Variants in VPS13B observed in about 807,000 individuals in gnomAD.
The protein encoded by VPS13B is intermembrane lipid transfer protein VPS13B.
A neutral mutation model predicts 426.4 loss-of-function variants in VPS13B; 285 were observed. The ratio of observed to expected loss-of-function variants is 0.67; its 90% CI spans 0.61 to 0.74. The LOEUF (loss-of-function observed/expected upper bound fraction) is 0.74, where lower values mean the gene tolerates loss of function less well. Among genes scored for constraint, VPS13B ranks in the 30% least tolerant of loss-of-function variants. The pLI is 0.00. For synonymous variants in VPS13B, 1,676 were observed against 1,676.4 expected, an observed-to-expected ratio of 1.00 and a Z score of 0.01; for missense variants, 4,537 against 4,782.6, an observed-to-expected ratio of 0.95 and a Z score of 1.51.
intron 29 of VPS13B, among the ~76,000 whole-genome samples, chr8:99,512,487 CG>C (rs1821842407): frequency 6.6e-6 from 1 of 152,090 alleles, no homozygotes; most frequent in African/African-American, 2.4e-5. Flanking sequence ...CAGAAATCTA[CG>C]TTTTTATACA....
intron 25 of VPS13B, among the ~76,000 whole-genome samples, chr8:99,496,715 A>G (rs1344819897): frequency 2.0e-5 from 3 of 152,170 alleles, no homozygotes; most frequent in Admixed American, 6.5e-5. Flanking sequence ...AAGCAAACAC[A>G]TACATACGTA....
Position 99,775,451 on chromosome 8 carries a change from C to T in VPS13B, c.7248-1324C>T, listed in dbSNP as rs1811693419. ...GTGATCCACAATTAACAGGACACAC[C>T]TTGTTCTCCTCCAACAATCCCAAAT... On this transcript the variant is annotated intron_variant, in intron 40 of 61. Coordinates refer to ENST00000357162, the MANE Select transcript of VPS13B (RefSeq NM_152564.5). Among the ~76,000 whole-genome samples, 4 of 152,226 alleles carry T rather than the reference C, an allele frequency of 2.6e-5. No individual in the cohort carries two copies. The South Asian group carries it at 8.3e-4, about 32-fold the overall frequency.
At chr8:99,572,573 A>G (rs1825536510) in intron 31 of VPS13B, among the ~76,000 whole-genome samples, 2 of 151,244 alleles carry the variant, frequency 1.3e-5, no homozygotes, top group African/African-American at 4.9e-5. Context: ...TTGTTCTTGC[A>G]ATAGTTTGCT....
intron 19 of VPS13B, among the ~76,000 whole-genome samples, chr8:99,374,576 C>G (rs1813374601): frequency 6.6e-6 from 1 of 151,898 alleles, no homozygotes; most frequent in Admixed American, 6.6e-5. Context: ...TTTTATATTT[C>G]ACAGTAGTTT....
At chr8:99,051,556 A>G (rs189132562) in intron 3 of VPS13B, among the ~76,000 whole-genome samples, 6 of 152,228 alleles carry the variant, frequency 3.9e-5, no homozygotes, top group Admixed American at 3.3e-4. Context: ...GTTTTTTCCA[A>G]TTCTGTGAAG....
intron 35 of VPS13B, 22 bp downstream of exon 35, chr8:99,661,513 C>T (rs755468951): frequency 3.1e-6 from 5 of 1,609,628 alleles, no homozygotes; most frequent in Non-Finnish European, 3.4e-6. Flanking sequence ...ATAAAATTTA[C>T]ATGTGTGTAC....
Position 99,707,330 on chromosome 8 carries a change from C to T in VPS13B, c.6454+7398C>T, listed in dbSNP as rs181469752. 1.1e-4 allele frequency among the ~76,000 whole-genome samples: 17 copies of T among 152,162 alleles called. No individual in the cohort carries two copies. In the East Asian group the frequency reaches 3.3e-3, roughly 29 times the overall value. On this transcript the variant is annotated intron_variant, in intron 36 of 61. Transcript: ENST00000357162. The stretch of plus-strand genomic sequence containing the variant: ...ATAGGACTTTGAGAGGATTAGGTGA[C>T]ATAATGTATGCAGAATACCCGACAC...
chr8:99,471,643 T>G (rs1437321261), intron 24 of VPS13B, among the ~76,000 whole-genome samples: 1 of 152,074 alleles, frequency 6.6e-6, no homozygotes, highest in East Asian at 1.9e-4. Context: ...GTACAAAAAA[T>G]AAAATGCTGG....
In VPS13B at chr8:99,488,966, T is replaced by A. The variant is rs1239789765; in HGVS notation, c.3870+7164T>A. Among the ~76,000 whole-genome samples the A allele has an allele frequency of 2.0e-5, 3 of 152,328 alleles. No individual in the cohort carries two copies. The East Asian group carries it at 5.8e-4, about 29-fold the overall frequency. ...GTCATGAAGTCTTTGCCCATTCCTA[T>A]GTCCTCAATGGTATTGCCTAGGTTT... On this transcript the variant is annotated intron_variant, in intron 25 of 61. Coordinates refer to ENST00000357162, the MANE Select transcript of VPS13B (RefSeq NM_152564.5).
At chr8:99,594,173 A>G (rs940910904) in intron 33 of VPS13B, among the ~76,000 whole-genome samples, 8 of 151,866 alleles carry the variant, frequency 5.3e-5, no homozygotes, top group Non-Finnish European at 1.0e-4. Context: ...GATTTTTCTC[A>G]GGATATGAGT....
chr8:99,749,602 A>G (rs542337354), intron 39 of VPS13B, among the ~76,000 whole-genome samples: 2 of 152,214 alleles, frequency 1.3e-5, no homozygotes, highest in Non-Finnish European at 2.9e-5. Flanking sequence ...GTAGTACTCC[A>G]TTGTGTGTAT....
chr8:99,839,160 T>C (rs1410380480), intron 54 of VPS13B, among the ~76,000 whole-genome samples: 2 of 152,238 alleles, frequency 1.3e-5, no homozygotes. Context: ...CCTTTGCAGG[T>C]AAATTCCCTT....
At chr8:99,875,293 A>G (rs1817644474) in intron 61 of VPS13B, 125 bp from the exon 62 acceptor site, 1 of 1,329,106 alleles carries the variant, frequency 7.5e-7, no homozygotes, top group Non-Finnish European at 1.1e-6. Context: ...AACATTCTGG[A>G]TTAATGGCTT....
At chr8:99,255,656 A>G (rs1817708096) in intron 17 of VPS13B, among the ~76,000 whole-genome samples, 1 of 152,088 alleles carries the variant, frequency 6.6e-6, no homozygotes, top group African/African-American at 2.4e-5. Context: ...CCCGGGGTCA[A>G]AATTCTGGCT....
At chr8:99,199,657 T>C (rs1327506283) in intron 17 of VPS13B, among the ~76,000 whole-genome samples, 1 of 152,194 alleles carries the variant, frequency 6.6e-6, no homozygotes, top group African/African-American at 2.4e-5. Context: ...TTTGATTACA[T>C]TCTCCTACAG....
chr8:99,213,108 C>T (rs1189186605), intron 17 of VPS13B, among the ~76,000 whole-genome samples: 1 of 152,142 alleles, frequency 6.6e-6, no homozygotes, highest in Non-Finnish European at 1.5e-5. Context: ...GACTTGGACC[C>T]TGTTTTCAAA....
intron 3 of VPS13B, among the ~76,000 whole-genome samples, chr8:99,047,066 C>T (rs979372674): frequency 2.0e-5 from 3 of 152,106 alleles, no homozygotes; most frequent in Non-Finnish European, 4.4e-5. Context: ...AGGATTCCCT[C>T]TTTCTCTATC....
chr8:99,337,504 A>T (rs1024630741), intron 19 of VPS13B, among the ~76,000 whole-genome samples: 13 of 152,072 alleles, frequency 8.5e-5, no homozygotes, highest in Admixed American at 2.0e-4. Context: ...CCTAAAACTT[A>T]AAGTATAATA....
intron 19 of VPS13B, among the ~76,000 whole-genome samples, chr8:99,307,335 T>A (rs1220219354): frequency 6.6e-6 from 1 of 152,088 alleles, no homozygotes; most frequent in Non-Finnish European, 1.5e-5. Flanking sequence ...TGAAAAATTG[T>A]TAAAAATTAC....
Sources: allele counts gnomAD v4.1 joint callset (sites outside exome capture counted in the v4.1 genomes callset), GRCh38; gene constraint gnomAD v4.1.1; transcripts MANE v1.5; gene names NCBI Gene and HGNC (gene_info 2026-07-23, HGNC 2026-07-21).